PDS5B: variants seen among roughly 807,000 people sequenced by gnomAD.
PDS5B encodes the protein PDS5 cohesin associated factor B, also known as sister chromatid cohesion protein PDS5 homolog B.
A neutral mutation model predicts 184.1 loss-of-function variants in PDS5B; 51 were observed. That is an observed-to-expected ratio of 0.28 (90% CI 0.22 to 0.35). PDS5B has a LOEUF of 0.35. Among genes scored for constraint, PDS5B ranks in the 10% least tolerant of loss-of-function variants. The probability of loss-of-function intolerance (pLI) is 1.00; values close to 1 mark genes in which losing one functional copy is unlikely to be tolerated. For missense variants in PDS5B, 1,180 were observed against 1,723.3 expected, an observed-to-expected ratio of 0.68 and a Z score of 5.58; for synonymous variants, 566 against 569.2, an observed-to-expected ratio of 0.99 and a Z score of 0.08.
rs144946839 is a variant in PDS5B, at chr13:32,685,268, T to C, written c.1203+1245T>C. Among the ~76,000 whole-genome samples the C allele has an allele frequency of 1.8e-4, 28 of 152,356 alleles. 1 individual carries two copies. Among genetic ancestry groups the C allele is most frequent in the African/African-American group, 6.5e-4 (27 of 41,594 alleles). Reference sequence around the variant, plus strand: ...AGAACAATTTATTTTAACCGATAAATTTAGACTAATCTTTATTGAATATTT... The same window carrying C: ...AGAACAATTTATTTTAACCGATAAACTTAGACTAATCTTTATTGAATATTT... On this transcript the variant is annotated intron_variant, in intron 11 of 34. Coordinates refer to ENST00000315596, the MANE Select transcript of PDS5B (RefSeq NM_015032.4).
At chr13:32,648,547 GGAAAT>G (rs1298156317) in intron 1 of PDS5B, among the ~76,000 whole-genome samples, 23 of 152,088 alleles carry the variant, frequency 1.5e-4, no homozygotes, top group African/African-American at 5.5e-4. Context: ...TTGCCACTGA[GGAAAT>G]GAAAGTAAAA....
At chr13:32,690,307 C>CAGG (rs1245553409) in intron 13 of PDS5B, 1 of 152,222 alleles carries the variant, frequency 6.6e-6, no homozygotes, top group East Asian at 1.9e-4. Context: ...GGAATGTCTC[C>CAGG]AGGACCTTCT....
chr13:32,673,453 A>C (rs1429879378), intron 8 of PDS5B, 97 bp downstream of exon 8: 1 of 977,502 alleles, frequency 1.0e-6, no homozygotes, highest in Non-Finnish European at 1.5e-6. Context: ...AACTGAATGT[A>C]AGAGATGAGG....
At chr13:32,695,026 G>A (rs982175904) in intron 14 of PDS5B, among the ~76,000 whole-genome samples, 15 of 151,748 alleles carry the variant, frequency 9.9e-5, no homozygotes, top group Non-Finnish European at 1.9e-4. Context: ...TAGGACAGAG[G>A]TCAATGGAGC....
At chr13:32,587,730 T>G (rs2057712723) in intron 1 of PDS5B, among the ~76,000 whole-genome samples, 1 of 152,242 alleles carries the variant, frequency 6.6e-6, no homozygotes, top group Non-Finnish European at 1.5e-5. Flanking sequence ...CAGCGAGGGT[T>G]AACCCTTTTT....
At chr13:32,587,660 A>AAGGGTTG (rs1226211395) in intron 1 of PDS5B, among the ~76,000 whole-genome samples, 2 of 152,176 alleles carry the variant, frequency 1.3e-5, no homozygotes, top group African/African-American at 4.8e-5. Flanking sequence ...GAGCTCCGGG[A>AAGGGTTG]AGGGTTGGTA....
At chr13:32,680,187 GGCTAAAT>G (rs1429533592) in intron 10 of PDS5B, among the ~76,000 whole-genome samples, 1 of 151,886 alleles carries the variant, frequency 6.6e-6, no homozygotes, top group Non-Finnish European at 1.5e-5. Flanking sequence ...AGAGTGGGGG[GGCTAAAT>G]CAAAAGCTGT....
At chr13:32,647,264 C>T (rs573147365) in intron 1 of PDS5B, among the ~76,000 whole-genome samples, 14 of 152,088 alleles carry the variant, frequency 9.2e-5, no homozygotes, top group East Asian at 7.7e-4. Context: ...TGTTGCACTC[C>T]GGATAATTTC....
At chr13:32,773,592 C>T (rs1954862577) in intron 34 of PDS5B, among the ~76,000 whole-genome samples, 1 of 151,956 alleles carries the variant, frequency 6.6e-6, no homozygotes, top group South Asian at 2.1e-4. Context: ...GTAAGTTGTA[C>T]CTTGATTTTA....
rs1954921567 is a variant in PDS5B at position 32,775,262 on chromosome 13, A to G, written c.*210A>G. The G allele has an allele frequency of 1.8e-6, 1 of 569,134 alleles. No homozygotes were observed. The highest frequency in any genetic ancestry group is 2.9e-5 in the East Asian group (1 of 35,008). The allele number at this position is 569,134 out of a possible 1,614,324, so 35.3% of individuals were successfully genotyped here. On this transcript the variant is annotated 3_prime_UTR_variant, in exon 35 of 35. Transcript: ENST00000315596. ...AACATTGACTATGGAGTCTTGTGAA[A>G]GTGTAATGTGCGATGGCTATGTAGA...
chr13:32,624,398 G>A (rs988776247), intron 1 of PDS5B, among the ~76,000 whole-genome samples: 3 of 152,048 alleles, frequency 2.0e-5, no homozygotes, highest in African/African-American at 4.8e-5. Context: ...AAAACTAGTC[G>A]TGTTTAATCT....
intron 1 of PDS5B, among the ~76,000 whole-genome samples, chr13:32,619,049 C>G (rs1706063671): frequency 6.6e-6 from 1 of 152,150 alleles, no homozygotes; most frequent in Non-Finnish European, 1.5e-5. Context: ...TTAATTATTA[C>G]AGCTTTATAC....
chr13:32,622,556 C>T (rs2058316521), intron 1 of PDS5B, among the ~76,000 whole-genome samples: 1 of 152,110 alleles, frequency 6.6e-6, no homozygotes, highest in Non-Finnish European at 1.5e-5. Flanking sequence ...TTGTTAATTA[C>T]CTTGTTTAAG....
intron 10 of PDS5B, among the ~76,000 whole-genome samples, chr13:32,680,241 T>G (rs1474533846): frequency 6.6e-6 from 1 of 152,130 alleles, no homozygotes; most frequent in Non-Finnish European, 1.5e-5. Flanking sequence ...CTCAAATGAT[T>G]GGCAATCTGT....
intron 1 of PDS5B, among the ~76,000 whole-genome samples, chr13:32,598,180 A>G (rs976990797): frequency 3.1e-5 from 4 of 129,044 alleles, no homozygotes; most frequent in East Asian, 2.0e-4. Context: ...GGTTCAAGCA[A>G]TTCTGCCTCA....
rs1167083521 is a variant in PDS5B at position 32,710,057 on chromosome 13, T to C, written c.2074T>C (p.Phe692Leu). ...EKVAEAALQIFKNTGSKIEED... is the reference protein window; with the variant it reads ...EKVAEAALQILKNTGSKIEED... The stretch of plus-strand genomic sequence containing the variant: ...AGTAGCAGAAGCTGCACTACAAATT[T>C]TCAAAAACACAGGAAGCAAAATTGA... Residue 692 changes from phenylalanine (F) to leucine (L), a missense_variant, in exon 19 of 35, where the codon TTC becomes CTC. Phe to Leu is a conservative substitution (Grantham distance 22). Transcript: ENST00000315596. The C allele has an allele frequency of 2.0e-5, 31 of 1,534,418 alleles. No homozygotes were observed. Among genetic ancestry groups the C allele is most frequent in the Non-Finnish European group, 2.7e-5 (31 of 1,128,730 alleles).
Position 32,688,418 on chromosome 13 carries a change from A to G in PDS5B, c.1356-38A>G, listed in dbSNP as rs759952253. 2.9e-6 allele frequency: 3 copies of G among 1,049,488 alleles called. No individual in the cohort carries two copies. The Admixed American group carries it at 6.7e-5, about 24-fold the overall frequency. The allele number at this position is 1,049,488 out of a possible 1,614,324, so 65.0% of individuals were successfully genotyped here. A position where few individuals can be genotyped will look rare whatever the true frequency, so the allele number is the denominator to read the frequency against. On this transcript the variant is annotated intron_variant, in intron 12 of 34. Transcript: ENST00000315596. ...TTTATATACAACTTTAGAACATTAG[A>G]AAAAAATCAATACAATGCCTTCTCT...
chr13:32,647,987 G>A (rs1239346224), intron 1 of PDS5B, among the ~76,000 whole-genome samples: 2 of 152,170 alleles, frequency 1.3e-5, no homozygotes, highest in African/African-American at 4.8e-5. Flanking sequence ...CCAGGGGTCT[G>A]TGAGTTCATG....
intron 1 of PDS5B, among the ~76,000 whole-genome samples, chr13:32,595,720 T>C (rs949367654): frequency 6.6e-6 from 1 of 152,202 alleles, no homozygotes; most frequent in Non-Finnish European, 1.5e-5. Flanking sequence ...AGCAGAGAAC[T>C]ATCAATTAGA....
Sources: gnomAD v4.1 joint callset for allele counts (sites outside exome capture counted in the v4.1 genomes callset) on GRCh38, gnomAD v4.1.1 for gene constraint, MANE v1.5 for transcripts, NCBI Gene and HGNC (gene_info 2026-07-23, HGNC 2026-07-21) for gene names.